LTBP1: variants seen among roughly 807,000 people sequenced by gnomAD.
The protein encoded by LTBP1 is latent transforming growth factor beta binding protein 1.
In LTBP1, 129 loss-of-function variants were observed where a neutral mutation model predicts 207.6. The ratio of observed to expected loss-of-function variants is 0.62; its 90% CI spans 0.54 to 0.72. The LOEUF is 0.72. LTBP1 is among the 30% of genes least tolerant of loss of function. LTBP1 has a pLI of 0.00. For missense variants in LTBP1, 2,281 were observed against 2,217.2 expected (o/e 1.03, Z -0.58); for synonymous variants, 963 against 833.7 (o/e 1.16, Z -2.67).
At chr2:33,331,785 A>G (rs923471083) in intron 24 of LTBP1, among the ~76,000 whole-genome samples, 1 of 152,160 alleles carries the variant, frequency 6.6e-6, no homozygotes, top group Non-Finnish European at 1.5e-5. Flanking sequence ...GGAGTATGTA[A>G]GAAAACTACA....
intron 13 of LTBP1, among the ~76,000 whole-genome samples, chr2:33,261,401 G>A (rs1450750808): frequency 9.2e-5 from 14 of 152,208 alleles, no homozygotes; most frequent in Non-Finnish European, 1.8e-4. Flanking sequence ...CAGAGGAAAT[G>A]TGGGAAAAAC....
At chr2:32,976,498 C>A (rs1230354674) in intron 2 of LTBP1, among the ~76,000 whole-genome samples, 1 of 152,212 alleles carries the variant, frequency 6.6e-6, no homozygotes, top group African/African-American at 2.4e-5. Flanking sequence ...CAGTAGGCAC[C>A]ATTTAAGAAT....
At chr2:33,297,812 T>C (rs1164183845) in intron 20 of LTBP1, among the ~76,000 whole-genome samples, 1 of 152,192 alleles carries the variant, frequency 6.6e-6, no homozygotes, top group Non-Finnish European at 1.5e-5. Flanking sequence ...TCCAGTCACG[T>C]CCTCTTTCTG....
intron 3 of LTBP1, among the ~76,000 whole-genome samples, chr2:33,041,045 T>C (rs892447808): frequency 1.3e-5 from 2 of 152,212 alleles, no homozygotes; most frequent in Non-Finnish European, 2.9e-5. Context: ...TAGTTTTCTT[T>C]AGAAGAGTCA....
At position 33,278,050 on chromosome 2, in the gene LTBP1, T is replaced by C. The variant is rs1458021129; in HGVS notation, c.2993-1989T>C. The stretch of plus-strand genomic sequence containing the variant: ...GGTGTCACCGTGTTAGCCAGGATGG[T>C]CTCGATCTCCTGACCTCGTGATCTG... On this transcript the variant is annotated intron_variant, in intron 18 of 33. Coordinates refer to ENST00000404816, the MANE Select transcript of LTBP1 (RefSeq NM_206943.4). 2.6e-5 allele frequency among the ~76,000 whole-genome samples: 4 copies of C among 151,660 alleles called. No individual in the cohort carries two copies. In the East Asian group the frequency reaches 7.8e-4, roughly 29 times the overall value.
chr2:32,991,266 C>A (rs1684369959), intron 2 of LTBP1, among the ~76,000 whole-genome samples: 1 of 152,160 alleles, frequency 6.6e-6, no homozygotes. Flanking sequence ...AAAAATGGAT[C>A]TTAGGTGGCC....
chr2:32,982,440 G>T (rs894784001), intron 2 of LTBP1, among the ~76,000 whole-genome samples: 1 of 152,218 alleles, frequency 6.6e-6, no homozygotes, highest in Admixed American at 6.5e-5. Context: ...CAAGCCTGCT[G>T]CAGAAATTTG....
In LTBP1 at chr2:33,021,024, G is replaced by A. The variant is rs770467593; in HGVS notation, c.681G>A (p.Ser227=). 2 of 1,614,044 alleles carry A rather than the reference G, an allele frequency of 1.2e-6. No individual in the cohort carries two copies. The highest frequency in any genetic ancestry group is 1.1e-5 in the South Asian group (1 of 91,038). ...ACETIAAQDT[S]SPVFGGQSPG... ...AAACAATAGCTGCCCAGGACACCTCGTCACCAGTCTTTGGAGGGCAGAGTC... is the reference window on the plus strand; with the variant it reads ...AAACAATAGCTGCCCAGGACACCTCATCACCAGTCTTTGGAGGGCAGAGTC... The change falls in exon 3 of 34, where the codon TCG becomes TCA. Residue 227 remains serine (S), a synonymous_variant. Transcript: ENST00000404816.
intron 19 of LTBP1, among the ~76,000 whole-genome samples, chr2:33,288,960 A>G (rs992199876): frequency 1.3e-5 from 2 of 152,246 alleles, no homozygotes; most frequent in African/African-American, 4.8e-5. Context: ...CATGATTCAA[A>G]TGATGAGATG....
chr2:33,025,291 A>T (rs1169375291), intron 3 of LTBP1, among the ~76,000 whole-genome samples: 1 of 152,240 alleles, frequency 6.6e-6, no homozygotes, highest in African/African-American at 2.4e-5. Flanking sequence ...GGACATATTT[A>T]AAAATAACCA....
intron 31 of LTBP1, among the ~76,000 whole-genome samples, chr2:33,387,858 A>T (rs987370054): frequency 1.3e-5 from 2 of 152,048 alleles, no homozygotes; most frequent in Admixed American, 6.6e-5. Flanking sequence ...GCCTTGCATG[A>T]CAATAGAGGA....
chr2:33,137,962 CAG>C (rs1558687520), intron 5 of LTBP1, among the ~76,000 whole-genome samples: 1 of 152,080 alleles, frequency 6.6e-6, no homozygotes, highest in African/African-American at 2.4e-5. Context: ...GCTGGGATAA[CAG>C]AGAGAGAGAA....
chr2:33,186,705 T>C (rs2087241168), intron 5 of LTBP1, 151 bp from the exon 6 acceptor site: 1 of 622,926 alleles, frequency 1.6e-6, no homozygotes, highest in Admixed American at 2.9e-5. Context: ...ACTTTTGGCA[T>C]AGCGAGTTTA....
chr2:33,122,031 C>T (rs1572729491), intron 4 of LTBP1, among the ~76,000 whole-genome samples: 1 of 151,448 alleles, frequency 6.6e-6, no homozygotes, highest in South Asian at 2.1e-4. Context: ...CCCACCCTGC[C>T]CCCCTCCACA....
chr2:32,955,181 T>C (rs912149146), intron 2 of LTBP1, among the ~76,000 whole-genome samples: 1 of 152,216 alleles, frequency 6.6e-6, no homozygotes. Flanking sequence ...TATGACCCTT[T>C]ATGTGGGAAT....
intron 7 of LTBP1, among the ~76,000 whole-genome samples, chr2:33,201,494 G>C (rs1283590983): frequency 1.3e-5 from 2 of 150,732 alleles, no homozygotes; most frequent in Admixed American, 1.3e-4. Context: ...GGGGGGAGGC[G>C]GGAGGGATAG....
At chr2:33,249,336 C>A (rs2092613232) in intron 10 of LTBP1, among the ~76,000 whole-genome samples, 1 of 136,568 alleles carries the variant, frequency 7.3e-6, no homozygotes, top group African/African-American at 2.6e-5. Context: ...CACACACACA[C>A]ACACACACAC....
chr2:33,268,374 C>A (rs1440181936), intron 15 of LTBP1, among the ~76,000 whole-genome samples: 1 of 152,112 alleles, frequency 6.6e-6, no homozygotes, highest in Non-Finnish European at 1.5e-5. Context: ...AGGGATAGAA[C>A]AATACGTAAG....
intron 4 of LTBP1, among the ~76,000 whole-genome samples, chr2:33,120,469 T>C (rs2081040403): frequency 1.3e-5 from 2 of 152,226 alleles, no homozygotes; most frequent in African/African-American, 4.8e-5. Context: ...CATAGTTTGC[T>C]AAGGATAATA....
Sources: allele counts gnomAD v4.1 joint callset (sites outside exome capture counted in the v4.1 genomes callset), GRCh38; gene constraint gnomAD v4.1.1; transcripts MANE v1.5; gene names NCBI Gene and HGNC (gene_info 2026-07-23, HGNC 2026-07-21).